The following BRAP variants were observed in gnomAD, a reference collection of about 807,000 sequenced individuals.
BRAP encodes BRCA1 associated protein.
BRAP carries 42 observed loss-of-function variants against 73.4 expected under a neutral mutation model. The ratio of observed to expected loss-of-function variants is 0.57; its 90% CI spans 0.45 to 0.74. BRAP has a LOEUF of 0.74. Ranked by LOEUF, BRAP falls within the 30% of genes least tolerant of loss-of-function variation. The probability of loss-of-function intolerance (pLI) is 0.00; values close to 1 mark genes in which losing one functional copy is unlikely to be tolerated. For synonymous variants in BRAP, 255 were observed against 267.4 expected, an observed-to-expected ratio of 0.95 and a Z score of 0.45; for missense variants, 593 against 751.4, an observed-to-expected ratio of 0.79 and a Z score of 2.46.
intron 5 of BRAP, among the ~76,000 whole-genome samples, chr12:111,667,622 C>T (rs1320771763): frequency 7.0e-6 from 1 of 143,230 alleles, no homozygotes. Flanking sequence ...TTTCTTGAAC[C>T]CAGGAGGTAG....
chr12:111,679,403 G>C, intron 3 of BRAP, 63 bp from the exon 4 acceptor site: 11 of 1,185,056 alleles, frequency 9.3e-6, no homozygotes, highest in Non-Finnish European at 1.2e-5. Flanking sequence ...AACAATACTA[G>C]ACAACTTTTA....
intron 9 of BRAP, among the ~76,000 whole-genome samples, chr12:111,656,779 G>C (rs530759172): frequency 5.9e-5 from 9 of 152,098 alleles, no homozygotes; most frequent in African/African-American, 1.7e-4. Flanking sequence ...TGTTGCCCAG[G>C]TTGGAATGCA....
rs183978875 is a variant in BRAP, at chr12:111,645,377, C to T, written c.1416-815G>A. Reference sequence around the variant, plus strand: ...CCACCGCGTCCAGCCCACAAATGTACTTTTAAGACACTTTTTTTTAAGCAT... The same window carrying T: ...CCACCGCGTCCAGCCCACAAATGTATTTTTAAGACACTTTTTTTTAAGCAT... On this transcript the variant is annotated intron_variant, in intron 11 of 11. Transcript: ENST00000419234. Among the ~76,000 whole-genome samples, 4 of 152,268 alleles carry T rather than the reference C, an allele frequency of 2.6e-5. No homozygotes were observed. In the East Asian group the frequency reaches 7.7e-4, roughly 29 times the overall value.
chr12:111,685,868 CG>C lies in BRAP; in HGVS notation c.-77del, dbSNP rs1304659765. ...AGGCGAGCCGAGAGGCCGAGCGGCCCGGGGCCGGCAGCGCCGCCACCACCTC... is the reference window on the plus strand; with the variant it reads ...AGGCGAGCCGAGAGGCCGAGCGGCCCGGGCCGGCAGCGCCGCCACCACCTC... On this transcript the variant is annotated 5_prime_UTR_variant, in exon 1 of 12. Transcript: ENST00000419234. The C allele has an allele frequency of 2.3e-6, 2 of 857,766 alleles. No individual in the cohort carries two copies. The allele number at this position is 857,766 out of a possible 1,614,324, so 53.1% of individuals were successfully genotyped here. A position where few individuals can be genotyped will look rare whatever the true frequency, so the allele number is the denominator to read the frequency against.
rs75263151 is a variant in BRAP, at chr12:111,685,444, G to A, written c.82+267C>T. On this transcript the variant is annotated intron_variant, in intron 1 of 11. Transcript: ENST00000419234. ...AGCAAGTGAGACAAACACACCACTC[G>A]ACTATCTCGAGAGGGAGACGCGCCA... 6.3e-4 allele frequency: 423 copies of A among 668,508 alleles called. 1 individual carries two copies. The African/African-American group carries it at 6.5e-3, about 10-fold the overall frequency. The allele number at this position is 668,508 out of a possible 1,614,324, so 41.4% of individuals were successfully genotyped here.
intron 11 of BRAP, among the ~76,000 whole-genome samples, chr12:111,646,689 C>T (rs1050357586): frequency 6.6e-6 from 1 of 152,132 alleles, no homozygotes; most frequent in African/African-American, 2.4e-5. Context: ...AGGAGAACTG[C>T]TTGAACCCTA....
intron 10 of BRAP, among the ~76,000 whole-genome samples, chr12:111,652,230 GGTTT>G (rs1442348018): frequency 6.6e-6 from 1 of 151,994 alleles, no homozygotes; most frequent in Non-Finnish European, 1.5e-5. Flanking sequence ...AAGGTTGGTT[GGTTT>G]GTTTTTTGAG....
intron 1 of BRAP, among the ~76,000 whole-genome samples, chr12:111,685,369 G>A (rs909791568): frequency 1.3e-5 from 2 of 152,230 alleles, no homozygotes; most frequent in African/African-American, 4.8e-5. Flanking sequence ...CCCAGGGACC[G>A]TCCAGCGTTG....
chr12:111,685,708 C>A lies in BRAP; in HGVS notation c.82+3G>T. Reference sequence around the variant, plus strand: ...GGGAATGCGGCGAGGCCGCGGGACTCACCCGCGGCGCTGAAGCCGAAGCCG... The same window carrying A: ...GGGAATGCGGCGAGGCCGCGGGACTAACCCGCGGCGCTGAAGCCGAAGCCG... On this transcript the variant is annotated splice_donor_region_variant and intron_variant, in intron 1 of 11. Transcript: ENST00000419234. 1 of 1,603,240 alleles carries A rather than the reference C, an allele frequency of 6.2e-7. No homozygotes were observed. Among genetic ancestry groups the A allele is most frequent in the South Asian group, 1.1e-5 (1 of 89,964 alleles).
intron 4 of BRAP, chr12:111,673,161 C>A (rs1887242175): frequency 1.1e-5 from 2 of 174,024 alleles, no homozygotes; most frequent in South Asian, 3.1e-4. Context: ...TCTGCAAAGC[C>A]TGGAACCAAA....
At position 111,679,311 on chromosome 12, in the gene BRAP, C is replaced by A. The variant is rs754076815; in HGVS notation, c.473G>T (p.Arg158Leu). ...GAGAATACACAGCATGGCACTGCGCCGCACATCTTCTTTTAAGGAGGTCAT... is the reference window on the plus strand; with the variant it reads ...GAGAATACACAGCATGGCACTGCGCAGCACATCTTCTTTTAAGGAGGTCAT... ...NKMTSLKEDV[R>L]RSAMLCILTV... The change falls in exon 4 of 12, where the codon CGG becomes CTG. Residue 158 changes from arginine to leucine, a missense_variant. Physicochemically the swap from Arg to Leu is moderately radical, Grantham distance 102 (BLOSUM62 -2). Around this residue, in one of 4 missense-constraint regions of BRAP, gnomAD observed 304 missense variants for 337.7 expected, o/e 0.90. Coordinates refer to ENST00000419234, the MANE Select transcript of BRAP (RefSeq NM_006768.5). 1.3e-6 allele frequency: 2 copies of A among 1,561,028 alleles called. No homozygotes were observed. Among genetic ancestry groups the A allele is most frequent in the East Asian group, 2.3e-5 (1 of 43,984 alleles).
In BRAP at chr12:111,685,880, C is replaced by G; in HGVS notation, c.-88G>C. ...AGGCCGAGCGGCCCGGGGCCGGCAG[C>G]GCCGCCACCACCTCAATGCAGTTGC... On this transcript the variant is annotated 5_prime_UTR_variant, in exon 1 of 12. Transcript: ENST00000419234. 1.1e-6 allele frequency: 1 copy of G among 889,712 alleles called. No individual in the cohort carries two copies. The highest frequency in any genetic ancestry group is 1.5e-6 in the Non-Finnish European group (1 of 650,220). 55.1% of individuals were successfully genotyped at this position (889,712 alleles called of 1,614,324 possible).
intron 9 of BRAP, among the ~76,000 whole-genome samples, chr12:111,658,419 GGGTTCAAGC>G (rs1376819825): frequency 6.6e-6 from 1 of 151,554 alleles, no homozygotes; most frequent in Non-Finnish European, 1.5e-5. Flanking sequence ...TCTGCTTCCC[GGGTTCAAGC>G]GATTCTCCTG....
intron 1 of BRAP, among the ~76,000 whole-genome samples, chr12:111,683,520 G>A (rs898743299): frequency 6.6e-6 from 1 of 152,060 alleles, no homozygotes; most frequent in Non-Finnish European, 1.5e-5. Flanking sequence ...GAAATGCAGG[G>A]CTGTTCTACT....
chr12:111,666,541 C>T (rs1211036708), intron 5 of BRAP, among the ~76,000 whole-genome samples: 1 of 152,058 alleles, frequency 6.6e-6, no homozygotes, highest in East Asian at 1.9e-4. Context: ...TACGTTAAGT[C>T]CAAAAAACAG....
At chr12:111,649,662 T>C (rs1886246363) in intron 11 of BRAP, among the ~76,000 whole-genome samples, 1 of 152,220 alleles carries the variant, frequency 6.6e-6, no homozygotes, top group East Asian at 1.9e-4. Flanking sequence ...AGCCGAAGGC[T>C]CTGGATGGAA....
At position 111,665,740 on chromosome 12, in the gene BRAP, C is replaced by T. The variant is rs372474166; in HGVS notation, c.795G>A (p.Thr265=). ...VMDLTELPKC[T]VCLERMDESV... Reference sequence around the variant, plus strand: ...ACTCGTCCATGCGCTCCAGACACACCGTGCACTTGGGGAGTTCAGTCAGGT... The same window carrying T: ...ACTCGTCCATGCGCTCCAGACACACTGTGCACTTGGGGAGTTCAGTCAGGT... The change falls in exon 6 of 12, where the codon ACG becomes ACA. Residue 265 remains threonine (T), a synonymous_variant. Transcript: ENST00000419234. The surrounding 1 kb of genome is among the most constrained non-coding windows in gnomAD (Gnocchi z 4.3). 9.3e-6 allele frequency: 15 copies of T among 1,614,222 alleles called. No homozygotes were observed. In the East Asian group the frequency reaches 1.6e-4, roughly 17 times the overall value.
chr12:111,647,497 G>A (rs1886151579), intron 11 of BRAP, among the ~76,000 whole-genome samples: 1 of 152,176 alleles, frequency 6.6e-6, no homozygotes, highest in Admixed American at 6.6e-5. Context: ...ATATTCACTG[G>A]TACTGGTTAA....
chr12:111,671,676 A>G (rs1183840960), intron 5 of BRAP, among the ~76,000 whole-genome samples: 2 of 148,264 alleles, frequency 1.3e-5, no homozygotes, highest in Non-Finnish European at 3.0e-5. Context: ...TGGGTAACAG[A>G]GAGACTTTTT....
Sources: gnomAD v4.1 joint callset for allele counts (sites outside exome capture counted in the v4.1 genomes callset) on GRCh38, gnomAD v4.1.1 for gene constraint, gnomAD v4.1.1 regional missense constraint, Gnocchi (gnomAD v3.1) non-coding constraint, MANE v1.5 for transcripts, NCBI Gene and HGNC (gene_info 2026-07-23, HGNC 2026-07-21) for gene names.